Variants in DNER observed in about 807,000 individuals in gnomAD.
DNER encodes the protein delta and Notch-like epidermal growth factor-related receptor.
DNER carries 33 observed loss-of-function variants against 78.2 expected under a neutral mutation model. That is an observed-to-expected ratio of 0.42 (90% CI 0.32 to 0.56). DNER has a LOEUF of 0.56. Among genes scored for constraint, DNER ranks in the 20% least tolerant of loss-of-function variants. DNER has a pLI of 0.11. For synonymous variants in DNER, 417 were observed against 384.8 expected (o/e 1.08, Z -0.98); for missense variants, 918 against 975.3 (o/e 0.94, Z 0.78).
rs183781682 is a variant in DNER at position 229,542,374 on chromosome 2, A to T, written c.993+4573T>A. Reference sequence around the variant, plus strand: ...TTCCCCCAAATACTGCAATATCAAGAACAGCAAGCTTGAGCTTTATCACAA... The same window carrying T: ...TTCCCCCAAATACTGCAATATCAAGTACAGCAAGCTTGAGCTTTATCACAA... On this transcript the variant is annotated intron_variant, in intron 5 of 12. Coordinates refer to ENST00000341772, the MANE Select transcript of DNER (RefSeq NM_139072.4). Among the ~76,000 whole-genome samples the T allele has an allele frequency of 3.3e-5, 5 of 152,340 alleles. No individual in the cohort carries two copies. In the East Asian group the frequency reaches 7.7e-4, roughly 23 times the overall value.
chr2:229,472,840 A>T (rs1193143776), intron 7 of DNER, among the ~76,000 whole-genome samples: 1 of 152,202 alleles, frequency 6.6e-6, no homozygotes, highest in Non-Finnish European at 1.5e-5. Flanking sequence ...AACCTAGTAA[A>T]AGCTAAGTCG....
chr2:229,428,849 AG>A (rs992172894), intron 8 of DNER, among the ~76,000 whole-genome samples: 3 of 152,122 alleles, frequency 2.0e-5, no homozygotes, highest in Non-Finnish European at 2.9e-5. Context: ...GAGCAGGATC[AG>A]GGGAGCATGG....
rs113411403 is a variant in DNER at position 229,436,506 on chromosome 2, G to A, written c.1486+10810C>T. On this transcript the variant is annotated intron_variant, in intron 8 of 12. Transcript: ENST00000341772. ...GCCCAAGATAGTCATCAGATTCTCC[G>A]ATGTCAAAAATGAAAGAAAAAATGT... Among the ~76,000 whole-genome samples, 851 of 152,204 alleles carry A rather than the reference G, an allele frequency of 5.6e-3. 13 individuals carry two copies. Among genetic ancestry groups the A allele is most frequent in the African/African-American group, 0.019 (776 of 41,514 alleles).
chr2:229,376,370 G>A (rs570214630), intron 11 of DNER, among the ~76,000 whole-genome samples: 3 of 152,172 alleles, frequency 2.0e-5, no homozygotes, highest in South Asian at 4.2e-4. Flanking sequence ...ATGAGCCCTC[G>A]TCAGACACTG....
chr2:229,578,037 T>G (rs1464097618), intron 4 of DNER, among the ~76,000 whole-genome samples: 4 of 152,070 alleles, frequency 2.6e-5, no homozygotes, highest in African/African-American at 9.7e-5. Context: ...GCAGGGAAAA[T>G]ATCACCTAAA....
intron 1 of DNER, among the ~76,000 whole-genome samples, chr2:229,597,518 C>A (rs1697744338): frequency 6.6e-6 from 1 of 152,160 alleles, no homozygotes; most frequent in African/African-American, 2.4e-5. Flanking sequence ...AGGTAATAAC[C>A]AAACTGCCAA....
intron 1 of DNER, among the ~76,000 whole-genome samples, chr2:229,689,042 G>T (rs909757924): frequency 6.6e-6 from 1 of 152,102 alleles, no homozygotes; most frequent in African/African-American, 2.4e-5. Flanking sequence ...ACGCATACTG[G>T]GCTTAATACC....
chr2:229,662,146 A>C (rs1699019713), intron 1 of DNER, among the ~76,000 whole-genome samples: 1 of 152,226 alleles, frequency 6.6e-6, no homozygotes, highest in Non-Finnish European at 1.5e-5. Flanking sequence ...GCTGACAAAG[A>C]AAATCAATAA....
rs368058823 is a variant in DNER, at chr2:229,534,061, A to G, written c.993+12886T>C. Reference sequence around the variant, plus strand: ...AAACCCATTCATGGGCAAAAGATCCAAAACACAAGACAGACATTATAGATC... The same window carrying G: ...AAACCCATTCATGGGCAAAAGATCCGAAACACAAGACAGACATTATAGATC... On this transcript the variant is annotated intron_variant, in intron 5 of 12. Transcript: ENST00000341772. 1.8e-4 allele frequency among the ~76,000 whole-genome samples: 28 copies of G among 152,364 alleles called. No individual in the cohort carries two copies. In the South Asian group the frequency reaches 5.4e-3, roughly 29 times the overall value.
chr2:229,706,409 A>AG (rs1244327229), intron 1 of DNER, among the ~76,000 whole-genome samples: 1 of 151,720 alleles, frequency 6.6e-6, no homozygotes, highest in South Asian at 2.1e-4. Flanking sequence ...AAAAAAAAAA[A>AG]AAAATTAGCC....
In DNER at chr2:229,668,418, T is replaced by TTA. The variant is rs59207662; in HGVS notation, c.276+45728_276+45729dup. Among the ~76,000 whole-genome samples the TTA allele has an allele frequency of 2.8e-3, 370 of 132,568 alleles. 1 individual carries two copies. Among genetic ancestry groups the TTA allele is most frequent in the African/African-American group, 9.5e-3 (320 of 33,564 alleles). 87.0% of individuals were successfully genotyped at this position (132,568 alleles called of 152,430 possible). On this transcript the variant is annotated intron_variant, in intron 1 of 12. Coordinates refer to ENST00000341772, the MANE Select transcript of DNER (RefSeq NM_139072.4). ...GAAAGAATACACATAAAATATTCTT[T>TTA]TATATATATATATATATATATATAC...
intron 11 of DNER, among the ~76,000 whole-genome samples, chr2:229,374,379 G>A (rs935575522): frequency 6.6e-6 from 1 of 152,140 alleles, no homozygotes; most frequent in Non-Finnish European, 1.5e-5. Context: ...TGTGCTCCTT[G>A]AATCTAAAAT....
chr2:229,591,604 T>C lies in DNER; in HGVS notation c.561A>G (p.Val187=). 1.2e-6 allele frequency: 2 copies of C among 1,614,136 alleles called. No individual in the cohort carries two copies. Among genetic ancestry groups the C allele is most frequent in the Non-Finnish European group, 1.7e-6 (2 of 1,179,982 alleles). The part of the protein sequence containing the change: ...TWQPKTGQKV[V]EMKWDQVEVI... The stretch of plus-strand genomic sequence containing the variant: ...CCTCCACTTGATCCCATTTCATTTC[T>C]ACAACTTTCTGCCCTGTTTTCGGCT... The change falls in exon 2 of 13, where the codon GTA becomes GTG. Residue 187 remains valine (V), a synonymous_variant. Coordinates refer to ENST00000341772, the MANE Select transcript of DNER (RefSeq NM_139072.4). The surrounding 1 kb of genome is among the most constrained non-coding windows in gnomAD (Gnocchi z 4.6).
At chr2:229,458,795 TA>T (rs1410627842) in intron 7 of DNER, among the ~76,000 whole-genome samples, 2 of 151,348 alleles carry the variant, frequency 1.3e-5, no homozygotes, top group Non-Finnish European at 2.9e-5. Flanking sequence ...GTAAAAGAAA[TA>T]AAAAACATAA....
intron 1 of DNER, among the ~76,000 whole-genome samples, chr2:229,628,710 G>T (rs1204883827): frequency 6.6e-6 from 1 of 152,156 alleles, no homozygotes; most frequent in Non-Finnish European, 1.5e-5. Flanking sequence ...CACCCAAGAA[G>T]TCATCACTGC....
rs1697003381 is a variant in DNER, at chr2:229,563,354, TACCCCATCACCATCATCATCATCCTC to T, written c.848-16288_848-16263del. On this transcript the variant is annotated intron_variant, in intron 4 of 12. Coordinates refer to ENST00000341772, the MANE Select transcript of DNER (RefSeq NM_139072.4). ...CCATGACCATCATCATCATCCTCCTTACCCCATCACCATCATCATCATCCTCACCCCATCACCATCATCATCATCAC... is the reference window on the plus strand; with the variant it reads ...CCATGACCATCATCATCATCCTCCTTACCCCATCACCATCATCATCATCAC... Among the ~76,000 whole-genome samples, 5 of 97,186 alleles carry T rather than the reference TACCCCATCACCATCATCATCATCCTC, an allele frequency of 5.1e-5. No individual in the cohort carries two copies. In the South Asian group the frequency reaches 1.3e-3, roughly 25 times the overall value. The allele number at this position is 97,186 out of a possible 152,430, so 63.8% of individuals were successfully genotyped here. A position where few individuals can be genotyped will look rare whatever the true frequency, so the allele number is the denominator to read the frequency against.
intron 5 of DNER, among the ~76,000 whole-genome samples, chr2:229,537,399 GC>G (rs1696427114): frequency 1.3e-5 from 2 of 152,164 alleles, no homozygotes; most frequent in Non-Finnish European, 2.9e-5. Flanking sequence ...GTGTTGCTCA[GC>G]AGTAGGAACC....
intron 7 of DNER, among the ~76,000 whole-genome samples, chr2:229,458,327 C>G (rs1164332487): frequency 6.6e-6 from 1 of 151,688 alleles, no homozygotes; most frequent in Non-Finnish European, 1.5e-5. Context: ...GAAGCTTTAA[C>G]AATCCCAAAT....
At chr2:229,683,345 A>G (rs1289393979) in intron 1 of DNER, among the ~76,000 whole-genome samples, 5 of 152,206 alleles carry the variant, frequency 3.3e-5, no homozygotes, top group African/African-American at 1.2e-4. Flanking sequence ...TAACCTTGAC[A>G]CGTTGCTGCC....
Sources: allele counts gnomAD v4.1 joint callset (sites outside exome capture counted in the v4.1 genomes callset), GRCh38; gene constraint gnomAD v4.1.1; non-coding constraint Gnocchi (gnomAD v3.1); transcripts MANE v1.5; gene names NCBI Gene and HGNC (gene_info 2026-07-23, HGNC 2026-07-21).